TENM2: variants seen among roughly 807,000 people sequenced by gnomAD.
TENM2 encodes teneurin transmembrane protein 2.
TENM2 carries 52 observed loss-of-function variants against 245.2 expected under a neutral mutation model. The observed-to-expected ratio is 0.21, with a 90% CI of 0.17 to 0.27. The LOEUF is 0.27. TENM2 is among the 10% of genes least tolerant of loss of function. TENM2 has a pLI of 1.00. For synonymous variants in TENM2, 1,363 were observed against 1,438.9 expected (o/e 0.95, Z 1.19); for missense variants, 3,046 against 3,666.8 (o/e 0.83, Z 4.37).
chr5:168,012,742 T>C (rs1265633019), intron 5 of TENM2, among the ~76,000 whole-genome samples: 1 of 118,452 alleles, frequency 8.4e-6, no homozygotes, highest in Non-Finnish European at 1.6e-5. Flanking sequence ...CAGTTAGGGA[T>C]ACCTTTCAGC....
At chr5:168,119,110 A>C (rs1325895395) in intron 10 of TENM2, among the ~76,000 whole-genome samples, 1 of 152,194 alleles carries the variant, frequency 6.6e-6, no homozygotes, top group Non-Finnish European at 1.5e-5. Context: ...GTCATTTAGA[A>C]ACACCATGTA....
At chr5:167,350,404 T>C (rs1758751249) in intron 1 of TENM2, among the ~76,000 whole-genome samples, 1 of 107,514 alleles carries the variant, frequency 9.3e-6, no homozygotes, top group Non-Finnish European at 1.9e-5. Flanking sequence ...AAAACCCATA[T>C]ACATATATAT....
At chr5:167,264,286 A>C in the TENM2 span, among the ~76,000 whole-genome samples, 1 of 152,150 alleles carries the variant, frequency 6.6e-6, no homozygotes, top group Non-Finnish European at 1.5e-5. Flanking sequence ...CTATGAAGCT[A>C]GTATGGAAGT....
chr5:167,090,669 G>A, the TENM2 span, among the ~76,000 whole-genome samples: 1 of 152,130 alleles, frequency 6.6e-6, no homozygotes, highest in Non-Finnish European at 1.5e-5. Context: ...GGATTCCAGG[G>A]AATATATTTG....
At chr5:167,478,649 A>G (rs1767553823) in intron 2 of TENM2, among the ~76,000 whole-genome samples, 1 of 152,210 alleles carries the variant, frequency 6.6e-6, no homozygotes, top group Admixed American at 6.5e-5. Flanking sequence ...TCCATCAATG[A>G]GAAGCTGGCA....
chr5:168,031,891 C>G (rs1787183293), intron 5 of TENM2, among the ~76,000 whole-genome samples: 3 of 152,132 alleles, frequency 2.0e-5, no homozygotes, highest in Admixed American at 1.3e-4. Flanking sequence ...AGACTGGGAC[C>G]TGGACCTGAA....
rs377467637 is a variant in TENM2, at chr5:167,824,939, G to A, written c.503-51047G>A. 3.1e-3 allele frequency among the ~76,000 whole-genome samples: 469 copies of A among 152,286 alleles called. 4 individuals are homozygous for A. In the South Asian group the frequency reaches 0.034, roughly 11 times the overall value. On this transcript the variant is annotated intron_variant, in intron 2 of 28. Coordinates refer to ENST00000518659, the Ensembl canonical transcript of TENM2. ...CAACCTCTGCAAATAGTCAACAGGC[G>A]CCTGCAAAGGGAACTCACCCTACCA...
At chr5:167,584,684 CTTTCTTTACT>C (rs1202504234) in intron 2 of TENM2, among the ~76,000 whole-genome samples, 1 of 143,704 alleles carries the variant, frequency 7.0e-6, no homozygotes, top group African/African-American at 2.5e-5. Flanking sequence ...CACACCTAAG[CTTTCTTTACT>C]TTTCTTTTTT....
intron 2 of TENM2, among the ~76,000 whole-genome samples, chr5:167,872,296 TAGAAAGAAAGAAAGAAAGAAAGAAAGAA>T (rs56684638): frequency 0.34 from 35,243 of 104,462 alleles, 6,333 homozygotes; most frequent in Middle Eastern, 0.46. Context: ...AAGAGAAAGA[TAGAAAGAAAGAAAGAAAGAAAGAAAGAA>T]AGAAAGAAAG....
At chr5:168,042,762 T>C (rs1471573779) in intron 5 of TENM2, among the ~76,000 whole-genome samples, 1 of 152,194 alleles carries the variant, frequency 6.6e-6, no homozygotes, top group Non-Finnish European at 1.5e-5. Flanking sequence ...CGGGGATCTG[T>C]GTGTGGTCCC....
At chr5:167,921,225 A>G (rs1777346134) in intron 3 of TENM2, among the ~76,000 whole-genome samples, 1 of 152,228 alleles carries the variant, frequency 6.6e-6, no homozygotes, top group Non-Finnish European at 1.5e-5. Context: ...TAAATTATGG[A>G]ACAGACATTG....
chr5:167,234,860 G>A, the TENM2 span, among the ~76,000 whole-genome samples: 1 of 152,102 alleles, frequency 6.6e-6, no homozygotes, highest in Non-Finnish European at 1.5e-5. Flanking sequence ...ATCAATTTGA[G>A]CATACTTTAT....
At chr5:168,186,120 C>T (rs1760406388) in intron 13 of TENM2, 2 of 151,906 alleles carry the variant, frequency 1.3e-5, no homozygotes, top group Non-Finnish European at 2.9e-5. Flanking sequence ...CCTTTCCAAG[C>T]TCACACAGCC....
the TENM2 span, among the ~76,000 whole-genome samples, chr5:167,175,031 A>G: frequency 6.6e-6 from 1 of 152,100 alleles, no homozygotes; most frequent in South Asian, 2.1e-4. Context: ...ACATTTATGT[A>G]TATTCACATG....
intron 11 of TENM2, among the ~76,000 whole-genome samples, chr5:168,125,942 C>T (rs1450146455): frequency 6.6e-6 from 1 of 152,014 alleles, no homozygotes; most frequent in Admixed American, 6.6e-5. Flanking sequence ...GTCACTGGCC[C>T]CACTCCCCGG....
intron 4 of TENM2, among the ~76,000 whole-genome samples, chr5:167,978,587 G>A (rs1782607792): frequency 6.6e-6 from 1 of 152,098 alleles, no homozygotes; most frequent in African/African-American, 2.4e-5. Context: ...CATAGAGACA[G>A]AAACCAAATT....
At chr5:167,649,227 A>C (rs955811294) in intron 2 of TENM2, among the ~76,000 whole-genome samples, 5 of 152,182 alleles carry the variant, frequency 3.3e-5, no homozygotes, top group African/African-American at 1.2e-4. Flanking sequence ...TTGATTTGTA[A>C]GGCACTATAT....
At chr5:167,273,549 A>G in the TENM2 span, among the ~76,000 whole-genome samples, 1 of 152,208 alleles carries the variant, frequency 6.6e-6, no homozygotes, top group Non-Finnish European at 1.5e-5. Context: ...ATTCAACTGT[A>G]TTAGGATTAA....
At chr5:167,234,858 G>T in the TENM2 span, among the ~76,000 whole-genome samples, 2 of 152,040 alleles carry the variant, frequency 1.3e-5, no homozygotes, top group Admixed American at 1.3e-4. Context: ...ATATCAATTT[G>T]AGCATACTTT....
Sources: gnomAD v4.1 joint callset for allele counts (sites outside exome capture counted in the v4.1 genomes callset) on GRCh38, gnomAD v4.1.1 for gene constraint, MANE v1.5 for transcripts, NCBI Gene and HGNC (gene_info 2026-07-23, HGNC 2026-07-21) for gene names.